Variants in CREB5 observed in about 807,000 individuals in gnomAD.
CREB5 encodes the protein cyclic AMP-responsive element-binding protein 5.
A neutral mutation model predicts 57.1 loss-of-function variants in CREB5; 19 were observed. The ratio of observed to expected loss-of-function variants is 0.33; its 90% confidence interval spans 0.23 to 0.49. The LOEUF (loss-of-function observed/expected upper bound fraction) is 0.49, where lower values mean the gene tolerates loss of function less well. CREB5 is among the 20% of genes least tolerant of loss of function. CREB5 has a pLI of 0.99. For missense variants in CREB5, 579 were observed against 671.6 expected (o/e 0.86, Z 1.52); for synonymous variants, 238 against 238.3 (o/e 1.00, Z 0.01).
intron 9 of CREB5, among the ~76,000 whole-genome samples, chr7:28,816,695 C>T (rs1192640645): frequency 6.6e-6 from 1 of 152,174 alleles, no homozygotes; most frequent in African/African-American, 2.4e-5. Flanking sequence ...AGCGCAACTT[C>T]TAGAATCCCA....
chr7:28,656,689 C>T (rs1318411620), intron 5 of CREB5, among the ~76,000 whole-genome samples: 1 of 152,154 alleles, frequency 6.6e-6, no homozygotes, highest in African/African-American at 2.4e-5. Flanking sequence ...AGTGTGTGAA[C>T]AGGAGGGACC....
intron 1 of CREB5, among the ~76,000 whole-genome samples, chr7:28,427,414 A>G (rs1788552023): frequency 6.6e-6 from 1 of 152,208 alleles, no homozygotes; most frequent in Non-Finnish European, 1.5e-5. Flanking sequence ...GGATTTTTAA[A>G]AAATGATTCT....
intron 1 of CREB5, among the ~76,000 whole-genome samples, chr7:28,469,335 G>A (rs1217617154): frequency 3.3e-5 from 5 of 152,194 alleles, no homozygotes; most frequent in African/African-American, 9.6e-5. Flanking sequence ...GAATCCTGTT[G>A]TGCCCTGGGG....
In CREB5 at chr7:28,496,035, A is replaced by G. The variant is rs562496529; in HGVS notation, c.169+1036A>G. Among the ~76,000 whole-genome samples the G allele has an allele frequency of 5.0e-3, 349 of 69,680 alleles. 1 individual carries two copies. Among genetic ancestry groups the G allele is most frequent in the African/African-American group, 0.024 (330 of 13,952 alleles). 45.7% of individuals were successfully genotyped at this position (69,680 alleles called of 152,430 possible). A position where few individuals can be genotyped will look rare whatever the true frequency, so the allele number is the denominator to read the frequency against. ...ATCCTGGGCTTTGCCTTACCTGGCC[A>G]TGACCTTGAGTACTTATTGAACCTT... On this transcript the variant is annotated intron_variant, in intron 3 of 10. Coordinates refer to ENST00000357727, the MANE Select transcript of CREB5 (RefSeq NM_182898.4).
chr7:28,680,206 T>C (rs1040159511), intron 5 of CREB5, among the ~76,000 whole-genome samples: 18 of 152,092 alleles, frequency 1.2e-4, no homozygotes, highest in African/African-American at 4.1e-4. Context: ...GTCACCACCC[T>C]TGGTCAAAGG....
intron 5 of CREB5, among the ~76,000 whole-genome samples, chr7:28,680,105 G>T (rs1447132488): frequency 6.6e-6 from 1 of 152,138 alleles, no homozygotes; most frequent in Admixed American, 6.5e-5. Flanking sequence ...TATTCTCAGG[G>T]TTGGACAATT....
rs143399701 is a variant in CREB5, at chr7:28,320,238, G to A, written c.-25+20797G>A. On this transcript the variant is annotated intron_variant, in intron 1 of 9. Transcript: ENST00000396299. ...AGCCACCACGCCTGGCCGCTTTTAT[G>A]TAATCTTGATGTAACACCAATCCCA... is the stretch of plus-strand genomic sequence containing the variant. 1.1e-3 allele frequency among the ~76,000 whole-genome samples: 166 copies of A among 152,228 alleles called. No individual in the cohort carries two copies. In the Middle Eastern group the frequency reaches 0.034, roughly 31 times the overall value.
At chr7:28,635,429 T>A (rs1256122057) in intron 5 of CREB5, among the ~76,000 whole-genome samples, 1 of 152,196 alleles carries the variant, frequency 6.6e-6, no homozygotes, top group African/African-American at 2.4e-5. Flanking sequence ...AACTAATACT[T>A]GTTGGCCACT....
intron 1 of CREB5, among the ~76,000 whole-genome samples, chr7:28,314,470 G>T (rs560851827): frequency 4.6e-5 from 7 of 152,216 alleles, no homozygotes; most frequent in Admixed American, 1.3e-4. Context: ...GAGCTTGAAA[G>T]CACGATGGCT....
chr7:28,714,822 A>G (rs1001901048), intron 5 of CREB5, among the ~76,000 whole-genome samples: 1 of 152,204 alleles, frequency 6.6e-6, no homozygotes, highest in Non-Finnish European at 1.5e-5. Context: ...ACATGAGCTC[A>G]CACATCTTAC....
At chr7:28,603,081 G>A (rs1796983756) in intron 5 of CREB5, among the ~76,000 whole-genome samples, 1 of 152,140 alleles carries the variant, frequency 6.6e-6, no homozygotes, top group Non-Finnish European at 1.5e-5. Context: ...TCTAATTTGA[G>A]TTTTAACTTG....
At chr7:28,705,101 A>G (rs948119365) in intron 5 of CREB5, among the ~76,000 whole-genome samples, 1 of 152,186 alleles carries the variant, frequency 6.6e-6, no homozygotes, top group South Asian at 2.1e-4. Flanking sequence ...ATGGTGGCTG[A>G]CGCCTATAAT....
At chr7:28,372,092 C>T (rs1786717909) in intron 1 of CREB5, among the ~76,000 whole-genome samples, 1 of 152,174 alleles carries the variant, frequency 6.6e-6, no homozygotes, top group Non-Finnish European at 1.5e-5. Flanking sequence ...CATCAGGTCA[C>T]ACTAGCTCTG....
intron 1 of CREB5, among the ~76,000 whole-genome samples, chr7:28,321,410 A>G (rs1209032601): frequency 1.3e-5 from 2 of 152,130 alleles, no homozygotes; most frequent in Admixed American, 6.6e-5. Context: ...GGGGGAAAAA[A>G]CATTTCTTTT....
chr7:28,330,825 G>T (rs1434232717), intron 1 of CREB5, among the ~76,000 whole-genome samples: 1 of 152,172 alleles, frequency 6.6e-6, no homozygotes, highest in African/African-American at 2.4e-5. Flanking sequence ...AAGCCAAAAT[G>T]GCTGGAAAAA....
At chr7:28,411,244 T>C (rs1787785051), upstream of CREB5, among the ~76,000 whole-genome samples, 1 of 152,184 alleles carries the variant, frequency 6.6e-6, no homozygotes, top group Non-Finnish European at 1.5e-5. Context: ...GCAAACAAAG[T>C]ATTTCACTTT....
chr7:28,556,320 C>G (rs1794873443), intron 4 of CREB5, among the ~76,000 whole-genome samples: 1 of 152,130 alleles, frequency 6.6e-6, no homozygotes, highest in African/African-American at 2.4e-5. Flanking sequence ...GAAGCTGTGG[C>G]CTTAAAGTGA....
chr7:28,445,999 C>G (rs1018586504), intron 1 of CREB5, among the ~76,000 whole-genome samples: 1 of 152,194 alleles, frequency 6.6e-6, no homozygotes, highest in East Asian at 1.9e-4. Flanking sequence ...TCTTAATTTT[C>G]TGATTCTGTC....
intron 4 of CREB5, among the ~76,000 whole-genome samples, chr7:28,566,132 C>T (rs1795466397): frequency 6.6e-6 from 1 of 152,142 alleles, no homozygotes. Context: ...CCAAATGTGG[C>T]CAATCCAATG....
Sources: allele counts gnomAD v4.1 joint callset (sites outside exome capture counted in the v4.1 genomes callset), GRCh38; gene constraint gnomAD v4.1.1; transcripts MANE v1.5; gene names NCBI Gene and HGNC (gene_info 2026-07-23, HGNC 2026-07-21).